The following GCN1 variants were observed in gnomAD, a reference collection of about 807,000 sequenced individuals.
GCN1 encodes the protein GCN1 activator of EIF2AK4.
GCN1 carries 90 observed loss-of-function variants against 288.4 expected under a neutral mutation model. The observed-to-expected ratio is 0.31, with a 90% confidence interval of 0.26 to 0.37. The LOEUF (loss-of-function observed/expected upper bound fraction) is 0.37, where lower values mean the gene tolerates loss of function less well. Among genes scored for constraint, GCN1 ranks in the 10% least tolerant of loss-of-function variants. The pLI is 1.00. For synonymous variants in GCN1, 1,386 were observed against 1,420.2 expected, an observed-to-expected ratio of 0.98 and a Z score of 0.54; for missense variants, 2,586 against 3,419.9, an observed-to-expected ratio of 0.76 and a Z score of 6.08.
At chr12:120,175,572 C>T (rs1187329345) in intron 11 of GCN1, among the ~76,000 whole-genome samples, 174 bp downstream of exon 11, 1 of 152,224 alleles carries the variant, frequency 6.6e-6, no homozygotes, top group Non-Finnish European at 1.5e-5. Context: ...ATCCACACCA[C>T]CCCGTGCACG....
In GCN1 at chr12:120,155,868, T is replaced by A. The variant is rs1877730515; in HGVS notation, c.3313-149A>T. 6 of 687,424 alleles carry A rather than the reference T, an allele frequency of 8.7e-6. No individual in the cohort carries two copies. In the Admixed American group the frequency reaches 1.4e-4, roughly 16 times the overall value. The allele number at this position is 687,424 out of a possible 1,614,324, so 42.6% of individuals were successfully genotyped here. On this transcript the variant is annotated intron_variant, in intron 28 of 57. Coordinates refer to ENST00000300648, the MANE Select transcript of GCN1 (RefSeq NM_006836.2). The surrounding 1 kb of genome is among the most constrained non-coding windows in gnomAD (Gnocchi z 4.9). ...TAAATCAATTAAAATTAACTCTAAG[T>A]AAGTTCCTTAGAGTGTGAGGTGGTA... is the stretch of plus-strand genomic sequence containing the variant.
intron 18 of GCN1, 63 bp from the exon 19 acceptor site, chr12:120,163,322 C>T (rs1166376098): frequency 1.5e-6 from 2 of 1,344,154 alleles, no homozygotes; most frequent in African/African-American, 2.9e-5. Flanking sequence ...ACACAGGAAC[C>T]AAATATGCTA....
chr12:120,170,063 C>T, intron 15 of GCN1, 106 bp downstream of exon 15: 2 of 954,570 alleles, frequency 2.1e-6, no homozygotes, highest in Non-Finnish European at 3.3e-6. Context: ...TGTGGCTGAT[C>T]CAGTGTGGTC....
rs373085081 is a variant in GCN1 at position 120,157,238 on chromosome 12, AC to A, written c.3088-247del. The stretch of plus-strand genomic sequence containing the variant: ...AATTCACACTATGAAATCCAGAAAG[AC>A]CGTAAATATATGAAGAGACACTCAA... On this transcript the variant is annotated intron_variant, in intron 26 of 57. Coordinates refer to ENST00000300648, the MANE Select transcript of GCN1 (RefSeq NM_006836.2). 157 of 468,736 alleles carry A rather than the reference AC, an allele frequency of 3.3e-4. No individual in the cohort carries two copies. In the East Asian group the frequency reaches 4.6e-3, roughly 14 times the overall value. The allele number at this position is 468,736 out of a possible 1,614,324, so 29.0% of individuals were successfully genotyped here. A position where few individuals can be genotyped will look rare whatever the true frequency, so the allele number is the denominator to read the frequency against.
rs778282991 is a variant in GCN1 at position 120,134,337 on chromosome 12, C to T, written c.7271G>A (p.Arg2424Gln). 1.1e-5 allele frequency: 17 copies of T among 1,613,950 alleles called. No homozygotes were observed. In the Admixed American group the frequency reaches 2.2e-4, roughly 21 times the overall value. ...GAGAKVDAVIRKNIVSLLLSM... is the reference protein window; with the variant it reads ...GAGAKVDAVIQKNIVSLLLSM... ...CAGCAGGAGTGAGACGATGTTTTTC[C>T]GGATGACGGCATCCACTTTGGCCCC... Residue 2424 changes from arginine (R) to glutamine (Q), a missense_variant, in exon 53 of 58, where the codon CGG becomes CAG. Transcript: ENST00000300648. The surrounding 1 kb of genome is among the most constrained non-coding windows in gnomAD (Gnocchi z 5.0).
At chr12:120,172,089 C>T (rs1245118783) in intron 14 of GCN1, among the ~76,000 whole-genome samples, 1 of 152,130 alleles carries the variant, frequency 6.6e-6, no homozygotes, top group Non-Finnish European at 1.5e-5. Context: ...GTCTCAAACT[C>T]CTGGGCTCAA....
In GCN1 at chr12:120,142,801, G is replaced by A. The variant is rs1877241405; in HGVS notation, c.5613+23C>T. ...CAGGGCACACCCTACCATCAGCAGG[G>A]GCAGGAAAGCCACTGCAGGCACCTT... On this transcript the variant is annotated intron_variant, in intron 43 of 57. Transcript: ENST00000300648. The surrounding 1 kb of genome is among the most constrained non-coding windows in gnomAD (Gnocchi z 4.9). 6.3e-7 allele frequency: 1 copy of A among 1,598,100 alleles called. No homozygotes were observed.
At chr12:120,167,470 A>G (rs970316948) in intron 16 of GCN1, among the ~76,000 whole-genome samples, 3 of 152,172 alleles carry the variant, frequency 2.0e-5, no homozygotes, top group African/African-American at 4.8e-5. Flanking sequence ...TAAAAAAGGT[A>G]CAGAACAAAC....
intron 44 of GCN1, among the ~76,000 whole-genome samples, chr12:120,141,307 G>A (rs1415311172): frequency 6.6e-6 from 1 of 152,192 alleles, no homozygotes; most frequent in Non-Finnish European, 1.5e-5. Flanking sequence ...GCACAGTCAA[G>A]GGCCAATTTC....
chr12:120,182,907 C>T (rs1594288797), intron 5 of GCN1, among the ~76,000 whole-genome samples: 2 of 150,596 alleles, frequency 1.3e-5, no homozygotes. Flanking sequence ...TGCACTCCAG[C>T]CTGAGCAACA....
intron 36 of GCN1, among the ~76,000 whole-genome samples, chr12:120,149,027 C>T (rs1310770980): frequency 6.7e-6 from 1 of 150,092 alleles, no homozygotes; most frequent in Non-Finnish European, 1.5e-5. Context: ...TGCTATATTG[C>T]CCAGGCTGGT....
chr12:120,152,699 T>C (rs1171007491), intron 33 of GCN1, among the ~76,000 whole-genome samples: 1 of 145,904 alleles, frequency 6.9e-6, no homozygotes, highest in Admixed American at 6.9e-5. Context: ...TATATATACA[T>C]ACATGCGTGT....
intron 16 of GCN1, 28 bp downstream of exon 16, chr12:120,168,180 G>A (rs757943814): frequency 2.3e-6 from 3 of 1,278,564 alleles, no homozygotes; most frequent in Non-Finnish European, 3.4e-6. Context: ...CCTCAATCCC[G>A]AGTTCAACTA....
chr12:120,192,611 A>C lies in GCN1; in HGVS notation c.18+2069T>G, dbSNP rs542354025. 5.3e-5 allele frequency among the ~76,000 whole-genome samples: 8 copies of C among 152,244 alleles called. No homozygotes were observed. The South Asian group carries it at 1.7e-3, about 32-fold the overall frequency. On this transcript the variant is annotated intron_variant, in intron 1 of 57. Transcript: ENST00000300648. ...GCTGGGCGTGGTGCCGGGTGCCTGT[A>C]ATCCCAGCTACTTGGGAGGCTGAGG...
At chr12:120,149,248 G>T (rs747967509) in intron 36 of GCN1, among the ~76,000 whole-genome samples, 1 of 152,034 alleles carries the variant, frequency 6.6e-6, no homozygotes, top group Non-Finnish European at 1.5e-5. Flanking sequence ...CTGGCCAGGC[G>T]TGGTGACTCA....
intron 56 of GCN1, among the ~76,000 whole-genome samples, chr12:120,130,192 C>A (rs920808498): frequency 6.6e-6 from 1 of 152,166 alleles, no homozygotes; most frequent in Non-Finnish European, 1.5e-5. Context: ...TTCAGAAGCA[C>A]GCCATATCAC....
chr12:120,138,857 C>G lies in GCN1; in HGVS notation c.5995-1G>C. 6.2e-7 allele frequency: 1 copy of G among 1,606,780 alleles called. No individual in the cohort carries two copies. The highest frequency in any genetic ancestry group is 8.5e-7 in the Non-Finnish European group (1 of 1,174,894). On this transcript the variant is annotated splice_acceptor_variant, in intron 45 of 57. Transcript: ENST00000300648. LOFTEE classifies it high-confidence loss of function. ...CGAGGGATTCAGAGAAATACAGCACCTGCAATGGCAAGCTACAACTGTACC... is the reference window on the plus strand; with the variant it reads ...CGAGGGATTCAGAGAAATACAGCACGTGCAATGGCAAGCTACAACTGTACC...
In GCN1 at chr12:120,144,904, G is replaced by A. The variant is rs1002011904; in HGVS notation, c.5155+19C>T. On this transcript the variant is annotated intron_variant, in intron 40 of 57. Transcript: ENST00000300648. The surrounding 1 kb of genome is among the most constrained non-coding windows in gnomAD (Gnocchi z 4.7). Reference sequence around the variant, plus strand: ...TTAGAGCATTCCCAGGCTGGCCACTGGACCTGCTCTGGCCTTACCCTGTGC... The same window carrying A: ...TTAGAGCATTCCCAGGCTGGCCACTAGACCTGCTCTGGCCTTACCCTGTGC... 4 of 1,614,134 alleles carry A rather than the reference G, an allele frequency of 2.5e-6. No homozygotes were observed. Among genetic ancestry groups the A allele is most frequent in the Non-Finnish European group, 2.5e-6 (3 of 1,180,002 alleles).
chr12:120,191,366 G>A (rs1378414907), intron 1 of GCN1, among the ~76,000 whole-genome samples: 1 of 152,238 alleles, frequency 6.6e-6, no homozygotes, highest in Non-Finnish European at 1.5e-5. Flanking sequence ...ATAAGACCCA[G>A]TGATGGGGGG....
Sources: allele counts gnomAD v4.1 joint callset (sites outside exome capture counted in the v4.1 genomes callset), GRCh38; gene constraint gnomAD v4.1.1; non-coding constraint Gnocchi (gnomAD v3.1); transcripts MANE v1.5; gene names NCBI Gene and HGNC (gene_info 2026-07-23, HGNC 2026-07-21).